The following BRAT1 variants were observed in gnomAD, a reference collection of about 807,000 sequenced individuals.
The protein encoded by BRAT1 is BRCA1 associated ATM activator 1, also known as integrator complex assembly factor BRAT1.
BRAT1 carries 74 observed loss-of-function variants against 70.6 expected under a neutral mutation model. The ratio of observed to expected loss-of-function variants is 1.05; its 90% CI spans 0.87 to 1.27. BRAT1 has a LOEUF of 1.27. Among genes scored for constraint, BRAT1 ranks in the 50% most tolerant of loss-of-function variants. The pLI is 0.00. For missense variants in BRAT1, 1,203 were observed against 1,098.2 expected, an observed-to-expected ratio of 1.10 and a Z score of -1.35; for synonymous variants, 615 against 517.1, an observed-to-expected ratio of 1.19 and a Z score of -2.57.
At position 2,543,255 on chromosome 7, in the gene BRAT1, C is replaced by T. The variant is rs1779321531; in HGVS notation, c.872G>A (p.Gly291Asp). ...AGCCAGGGGTCCCATGTGGGTGGGA[C>T]CCAGGCAGCTCAGAGCCCGCGCCAC... ...ETVARALSCL[G>D]PTHMGPLALG... The change falls in exon 6 of 14, where the codon GGT becomes GAT. Residue 291 changes from glycine to aspartate, a missense_variant. Coordinates refer to ENST00000340611, the MANE Select transcript of BRAT1 (RefSeq NM_152743.4). The surrounding 1 kb of genome is among the most constrained non-coding windows in gnomAD (Gnocchi z 5.5). The T allele has an allele frequency of 6.2e-7, 1 of 1,611,544 alleles. No individual in the cohort carries two copies. Among genetic ancestry groups the T allele is most frequent in the Admixed American group, 1.7e-5 (1 of 59,818 alleles).
chr7:2,548,254 C>T (rs1021193768), intron 2 of BRAT1, among the ~76,000 whole-genome samples: 1 of 152,010 alleles, frequency 6.6e-6, no homozygotes, highest in Non-Finnish European at 1.5e-5. Context: ...CTCAAAAGCA[C>T]CAGTGGGGGA....
Position 2,543,337 on chromosome 7 carries a change from C to A in BRAT1, c.804-14G>T. 3 of 1,569,460 alleles carry A rather than the reference C, an allele frequency of 1.9e-6. No individual in the cohort carries two copies. Among genetic ancestry groups the A allele is most frequent in the African/African-American group, 1.4e-5 (1 of 72,956 alleles). On this transcript the variant is annotated splice_polypyrimidine_tract_variant and intron_variant, in intron 5 of 13. Transcript: ENST00000340611. This position sits in a 1 kb window ranked among gnomAD's most constrained non-coding sequence, Gnocchi z 5.5. Reference sequence around the variant, plus strand: ...AACACGGGAGAACTGCAGGGAGACCCCAGAGAGAAAAATTACTCCCCCACC... The same window carrying A: ...AACACGGGAGAACTGCAGGGAGACCACAGAGAGAAAAATTACTCCCCCACC...
chr7:2,538,882 C>A, intron 13 of BRAT1, 118 bp from the exon 14 acceptor site: 1 of 1,499,704 alleles, frequency 6.7e-7, no homozygotes. Flanking sequence ...GGCCACAGCC[C>A]GCTCTGACAC....
Position 2,539,336 on chromosome 7 carries a change from C to G in BRAT1, c.1613G>C (p.Arg538Thr). 1 of 1,609,650 alleles carries G rather than the reference C, an allele frequency of 6.2e-7. No individual in the cohort carries two copies. ...SRHWGGQADF[R>T]CALLASEVPQ... is the part of the protein sequence containing the mutation. ...CACCTCTGAAGCCAAGAGTGCGCAT[C>G]TGAAGTCAGCCTGTCCTGGGGGTCG... Residue 538 changes from arginine (R) to threonine (T), a missense_variant, in exon 13 of 14, where the codon AGA (arginine) becomes ACA (threonine). Transcript: ENST00000340611.
Position 2,538,652 on chromosome 7 carries a change from G to T in BRAT1, c.1883C>A (p.Ala628Asp). 6.3e-7 allele frequency: 1 copy of T among 1,598,324 alleles called. No individual in the cohort carries two copies. The highest frequency in any genetic ancestry group is 8.5e-7 in the Non-Finnish European group (1 of 1,179,650). The change falls in exon 14 of 14, where the codon GCC becomes GAC. Residue 628 changes from alanine (A) to aspartate (D), a missense_variant. Ala to Asp is a moderately radical substitution (Grantham distance 126). Transcript: ENST00000340611. ...EWLRDGHADA[A>D]QDTEQFVATV... ...GGCCACGAACTGCTCCGTGTCCTGG[G>T]CCGCGTCGGCGTGGCCGTCCCGCAG...
At chr7:2,540,035 T>G in intron 10 of BRAT1, 147 bp from the exon 11 acceptor site, 1 of 595,996 alleles carries the variant, frequency 1.7e-6, no homozygotes, top group African/African-American at 1.9e-5. Context: ...CTGGGCTTCC[T>G]TCTTTTTTAG....
At chr7:2,546,537 T>C (rs1779620963) in intron 3 of BRAT1, among the ~76,000 whole-genome samples, 1 of 152,074 alleles carries the variant, frequency 6.6e-6, no homozygotes, top group African/African-American at 2.4e-5. Flanking sequence ...GAGTTCGTGA[T>C]CAGCCTGGCC....
chr7:2,549,817 A>G (rs1779868918), intron 2 of BRAT1, among the ~76,000 whole-genome samples: 1 of 152,248 alleles, frequency 6.6e-6, no homozygotes, highest in African/African-American at 2.4e-5. Flanking sequence ...AAGCTGATGT[A>G]GCAACAGAAA....
intron 10 of BRAT1, chr7:2,540,149 G>C (rs1338579589): frequency 1.4e-5 from 6 of 440,276 alleles, no homozygotes; most frequent in South Asian, 8.8e-5. Flanking sequence ...CTCATGAGTA[G>C]CTGGGGCTAG....
chr7:2,547,179 A>C, intron 3 of BRAT1, 145 bp downstream of exon 3: 2 of 1,072,358 alleles, frequency 1.9e-6, no homozygotes, highest in Non-Finnish European at 2.7e-6. Flanking sequence ...GGGGGTAAAA[A>C]ACATGCAGTT....
chr7:2,555,197 G>A (rs1780333103), intron 1 of BRAT1, among the ~76,000 whole-genome samples: 1 of 151,880 alleles, frequency 6.6e-6, no homozygotes, highest in Non-Finnish European at 1.5e-5. Context: ...GGGCGGGGTG[G>A]TCAGCGGCTC....
chr7:2,541,660 GCGGTCCCACCGC>G, intron 8 of BRAT1, 46 bp downstream of exon 8: 1 of 1,535,024 alleles, frequency 6.5e-7, no homozygotes. Flanking sequence ...AGCCTACGTT[GCGGTCCCACCGC>G]CAGCGTGGAT....
At position 2,541,045 on chromosome 7, in the gene BRAT1, C is replaced by T. The variant is rs766070560; in HGVS notation, c.1329G>A (p.Gln443=). Residue 443 remains glutamine (Q), a synonymous_variant, in exon 10 of 14, where the codon CAG becomes CAA. Coordinates refer to ENST00000340611, the MANE Select transcript of BRAT1 (RefSeq NM_152743.4). The stretch of plus-strand genomic sequence containing the variant: ...CAGCAAGCGCCTGCGTCACCAGCTC[C>T]TGGGGGCCTGAGACAGAGGTGAGTG... ...LGTLSQGTGP[Q]ELVTQALAVL... is the part of the protein sequence containing the mutation. 2.6e-6 allele frequency: 4 copies of T among 1,567,656 alleles called. No homozygotes were observed. Among genetic ancestry groups the T allele is most frequent in the African/African-American group, 2.8e-5 (2 of 71,902 alleles).
chr7:2,540,133 C>G (rs1779034603), intron 10 of BRAT1: 3 of 465,008 alleles, frequency 6.5e-6, no homozygotes, highest in Non-Finnish European at 1.1e-5. Context: ...GTCCTCCTGC[C>G]TCAGCCTCAT....
chr7:2,547,525 GTGTCCCCC>G (rs751825246), intron 2 of BRAT1, 47 bp from the exon 3 acceptor site: 16 of 1,593,244 alleles, frequency 1.0e-5, no homozygotes, highest in Middle Eastern at 1.9e-4. Context: ...ACGGCACCAG[GTGTCCCCC>G]TGGATGACCG....
At chr7:2,542,328 G>A (rs1220142391) in intron 6 of BRAT1, 117 bp from the exon 7 acceptor site, 75 of 847,366 alleles carry the variant, frequency 8.9e-5, no homozygotes, top group South Asian at 7.8e-4. Flanking sequence ...CACCCCCCGA[G>A]AAACATTCTC....
intron 3 of BRAT1, among the ~76,000 whole-genome samples, chr7:2,547,119 C>G (rs1266422550): frequency 2.0e-5 from 3 of 152,234 alleles, no homozygotes; most frequent in Non-Finnish European, 2.9e-5. Context: ...AACCTCAACT[C>G]CTTAGCCCCA....
chr7:2,555,135 C>A (rs1204815383), intron 1 of BRAT1, among the ~76,000 whole-genome samples: 7 of 151,516 alleles, frequency 4.6e-5, no homozygotes, highest in African/African-American at 1.7e-4. Context: ...AAGGAAGGGG[C>A]GCCTGTCTCT....
chr7:2,546,227 G>GGTC (rs1779598258), intron 3 of BRAT1, among the ~76,000 whole-genome samples: 1 of 152,202 alleles, frequency 6.6e-6, no homozygotes, highest in African/African-American at 2.4e-5. Context: ...GATCGCTTGA[G>GGTC]ACCAGGAGTT....
Sources: allele counts gnomAD v4.1 joint callset (sites outside exome capture counted in the v4.1 genomes callset), GRCh38; gene constraint gnomAD v4.1.1; non-coding constraint Gnocchi (gnomAD v3.1); transcripts MANE v1.5; gene names NCBI Gene and HGNC (gene_info 2026-07-23, HGNC 2026-07-21).